LRRC4C: variants seen among roughly 807,000 people sequenced by gnomAD.
LRRC4C encodes the protein leucine rich repeat containing 4C.
In LRRC4C, 5 loss-of-function variants were observed where a neutral mutation model predicts 33.6. That is an observed-to-expected ratio of 0.15 (90% confidence interval 0.08 to 0.31). The LOEUF (loss-of-function observed/expected upper bound fraction) is 0.31, where lower values mean the gene tolerates loss of function less well. Among genes scored for constraint, LRRC4C ranks in the 10% least tolerant of loss-of-function variants. LRRC4C has a pLI of 1.00. For missense variants in LRRC4C, 560 were observed against 796.7 expected (o/e 0.70, Z 3.58); for synonymous variants, 329 against 302.0 (o/e 1.09, Z -0.93).
chr11:40,716,418 G>C (rs913592449), intron 2 of LRRC4C, among the ~76,000 whole-genome samples: 1 of 151,828 alleles, frequency 6.6e-6, no homozygotes, highest in Non-Finnish European at 1.5e-5. Context: ...TTTTCATGCT[G>C]GTAATTCTTA....
At chr11:41,424,063 G>C (rs949835982) in intron 1 of LRRC4C, 1 of 151,998 alleles carries the variant, frequency 6.6e-6, no homozygotes, top group African/African-American at 2.4e-5. Context: ...GACTAATACA[G>C]TCTCACTGAA....
chr11:41,040,602 C>T (rs1857373733), intron 1 of LRRC4C, among the ~76,000 whole-genome samples: 1 of 152,168 alleles, frequency 6.6e-6, no homozygotes. Context: ...TATTCAGCCT[C>T]CATACTTTAG....
intron 1 of LRRC4C, among the ~76,000 whole-genome samples, chr11:41,141,550 A>G (rs1943506724): frequency 6.6e-6 from 1 of 152,096 alleles, no homozygotes; most frequent in South Asian, 2.1e-4. Flanking sequence ...AACCCCCATG[A>G]GTCAAGGGCA....
intron 1 of LRRC4C, among the ~76,000 whole-genome samples, chr11:41,071,123 C>T (rs1231855347): frequency 6.6e-6 from 1 of 152,022 alleles, no homozygotes; most frequent in Non-Finnish European, 1.5e-5. Context: ...AAGCTGGAAG[C>T]CATCATCCTC....
chr11:40,299,488 A>G (rs1021725244), intron 4 of LRRC4C, among the ~76,000 whole-genome samples: 4 of 152,254 alleles, frequency 2.6e-5, no homozygotes, highest in Non-Finnish European at 5.9e-5. Context: ...CAAACATTAA[A>G]AGGAAAATCT....
At chr11:40,585,559 T>C (rs1958688255) in intron 3 of LRRC4C, among the ~76,000 whole-genome samples, 1 of 148,634 alleles carries the variant, frequency 6.7e-6, no homozygotes, top group Non-Finnish European at 1.5e-5. Context: ...GCCATGCTGG[T>C]GCGCTGCACC....
intron 3 of LRRC4C, among the ~76,000 whole-genome samples, chr11:40,386,375 G>T (rs1029333120): frequency 1.3e-5 from 2 of 152,154 alleles, no homozygotes; most frequent in Admixed American, 6.5e-5. Flanking sequence ...TCACTGAGCA[G>T]GCATTTGGCT....
chr11:41,305,857 C>G (rs1336016469), intron 1 of LRRC4C, among the ~76,000 whole-genome samples: 1 of 134,328 alleles, frequency 7.4e-6, no homozygotes, highest in Non-Finnish European at 1.6e-5. Flanking sequence ...GTCCCATGAC[C>G]CTGCCAAATC....
chr11:41,209,713 CT>C (rs1358572157), intron 1 of LRRC4C, among the ~76,000 whole-genome samples: 1 of 151,600 alleles, frequency 6.6e-6, no homozygotes, highest in Non-Finnish European at 1.5e-5. Context: ...TGGAACAAGA[CT>C]TTTTGGACTG....
intron 2 of LRRC4C, among the ~76,000 whole-genome samples, chr11:40,752,642 GA>G (rs1253516796): frequency 6.6e-6 from 1 of 151,902 alleles, no homozygotes; most frequent in Non-Finnish European, 1.5e-5. Flanking sequence ...TGAAGGTGTG[GA>G]AAAAAGGGAA....
At chr11:40,810,090 G>A (rs1437497281) in intron 2 of LRRC4C, among the ~76,000 whole-genome samples, 1 of 151,908 alleles carries the variant, frequency 6.6e-6, no homozygotes, top group East Asian at 1.9e-4. Flanking sequence ...CTTGTTGTTT[G>A]TTTTTTTATT....
chr11:40,286,018 A>G (rs370628052), intron 4 of LRRC4C, among the ~76,000 whole-genome samples: 1 of 152,216 alleles, frequency 6.6e-6, no homozygotes, highest in Non-Finnish European at 1.5e-5. Flanking sequence ...GGTGCATATC[A>G]AATGCTCAAG....
chr11:40,562,456 A>C (rs1436038448), intron 3 of LRRC4C, among the ~76,000 whole-genome samples: 1 of 152,170 alleles, frequency 6.6e-6, no homozygotes, highest in African/African-American at 2.4e-5. Flanking sequence ...ATGCTGTATA[A>C]TTTTACATAC....
chr11:41,304,775 G>A (rs1407462402), intron 1 of LRRC4C, among the ~76,000 whole-genome samples: 1 of 81,270 alleles, frequency 1.2e-5, no homozygotes, highest in Non-Finnish European at 2.4e-5. Flanking sequence ...AGGTGGGGGG[G>A]TCAGCCCCCC....
chr11:40,703,797 G>A (rs972037784), intron 2 of LRRC4C, among the ~76,000 whole-genome samples: 3 of 152,016 alleles, frequency 2.0e-5, no homozygotes, highest in East Asian at 1.9e-4. Context: ...GTTAATAATC[G>A]GCATATAAGA....
At chr11:41,202,786 C>A (rs533025894) in intron 1 of LRRC4C, among the ~76,000 whole-genome samples, 10 of 143,878 alleles carry the variant, frequency 7.0e-5, no homozygotes, top group Non-Finnish European at 1.4e-4. Context: ...CTTTGAAAAC[C>A]GATTTTTTTT....
At chr11:41,292,369 C>A (rs1302686848) in intron 1 of LRRC4C, among the ~76,000 whole-genome samples, 1 of 151,980 alleles carries the variant, frequency 6.6e-6, no homozygotes, top group East Asian at 1.9e-4. Flanking sequence ...TAGAGCAGAG[C>A]CACAGATCAC....
At chr11:41,232,130 T>C (rs1319747825) in intron 1 of LRRC4C, among the ~76,000 whole-genome samples, 1 of 152,004 alleles carries the variant, frequency 6.6e-6, no homozygotes, top group East Asian at 1.9e-4. Flanking sequence ...ACCTTCCAAA[T>C]CTCTCATTCT....
chr11:40,398,173 T>C (rs1177882867), intron 3 of LRRC4C, among the ~76,000 whole-genome samples: 3 of 151,996 alleles, frequency 2.0e-5, no homozygotes, highest in Admixed American at 1.3e-4. Flanking sequence ...TGATAGCTTG[T>C]TAAGTAGAGA....
Sources: gnomAD v4.1 joint callset for allele counts (sites outside exome capture counted in the v4.1 genomes callset) on GRCh38, gnomAD v4.1.1 for gene constraint, MANE v1.5 for transcripts, NCBI Gene and HGNC (gene_info 2026-07-23, HGNC 2026-07-21) for gene names.